The following MAGI1 variants were observed in gnomAD, a reference collection of about 807,000 sequenced individuals.
MAGI1 encodes the protein membrane associated guanylate kinase, WW and PDZ domain containing 1, also known as membrane-associated guanylate kinase, WW and PDZ domain-containing protein 1.
MAGI1 carries 58 observed loss-of-function variants against 139.9 expected under a neutral mutation model. That is an observed-to-expected ratio of 0.41 (90% CI 0.34 to 0.52). MAGI1 has a LOEUF of 0.52. Among genes scored for constraint, MAGI1 ranks in the 20% least tolerant of loss-of-function variants. MAGI1 has a pLI of 0.12. For missense variants in MAGI1, 1,874 were observed against 1,901.6 expected, an observed-to-expected ratio of 0.99 and a Z score of 0.27; for synonymous variants, 812 against 737.9, an observed-to-expected ratio of 1.10 and a Z score of -1.63.
At chr3:65,359,573 T>G (rs185337267) in intron 22 of MAGI1, 1 of 978,070 alleles carries the variant, frequency 1.0e-6, no homozygotes, top group Admixed American at 6.6e-5. Context: ...ATTACAAAAA[T>G]AGCCTCACAG....
At chr3:65,532,797 C>A (rs907070793) in intron 2 of MAGI1, 4 of 152,176 alleles carry the variant, frequency 2.6e-5, no homozygotes, top group African/African-American at 9.7e-5. Context: ...CTGTAAGCTG[C>A]TTTAATTTAT....
chr3:65,525,706 A>C (rs973779142), intron 2 of MAGI1, among the ~76,000 whole-genome samples: 4 of 152,238 alleles, frequency 2.6e-5, no homozygotes, highest in African/African-American at 9.6e-5. Flanking sequence ...AAAAAACAAA[A>C]GAACAAAACA....
chr3:65,756,196 CT>C (rs61555164), intron 1 of MAGI1, among the ~76,000 whole-genome samples: 8,836 of 152,208 alleles, frequency 0.058, 431 homozygotes, highest in African/African-American at 0.12. Flanking sequence ...TAGTTTTCCA[CT>C]TAGTGGATCC....
At chr3:65,661,751 T>TG (rs2086206292) in intron 1 of MAGI1, among the ~76,000 whole-genome samples, 1 of 136,058 alleles carries the variant, frequency 7.3e-6, no homozygotes, top group South Asian at 2.5e-4. Flanking sequence ...TTCTGTTTTT[T>TG]TTTTTTTTTT....
intron 8 of MAGI1, among the ~76,000 whole-genome samples, chr3:65,441,558 C>T (rs1948329047): frequency 6.6e-6 from 1 of 152,150 alleles, no homozygotes. Context: ...AGTGTCTTCA[C>T]CCATAAAAGC....
At chr3:65,673,101 GC>G (rs1356718248) in intron 1 of MAGI1, among the ~76,000 whole-genome samples, 2 of 152,140 alleles carry the variant, frequency 1.3e-5, no homozygotes, top group Non-Finnish European at 2.9e-5. Flanking sequence ...TTGCACTTGT[GC>G]CTGGGCTTGC....
intron 2 of MAGI1, among the ~76,000 whole-genome samples, chr3:65,587,028 G>A (rs1394543578): frequency 5.9e-5 from 9 of 152,158 alleles, no homozygotes; most frequent in African/African-American, 4.8e-5. Flanking sequence ...GAATTACCCC[G>A]AGATCCCTAA....
intron 1 of MAGI1, among the ~76,000 whole-genome samples, chr3:66,025,718 G>C (rs938962164): frequency 2.6e-5 from 4 of 152,166 alleles, no homozygotes; most frequent in African/African-American, 9.7e-5. Flanking sequence ...GTCTGTGTGT[G>C]TGTATGTGTA....
At chr3:65,905,185 A>G (rs544658676) in intron 1 of MAGI1, among the ~76,000 whole-genome samples, 144 of 152,322 alleles carry the variant, frequency 9.5e-4, no homozygotes, top group African/African-American at 3.3e-3. Context: ...AGGGTTGAGA[A>G]CTACTGTTTT....
At chr3:66,032,319 C>A (rs2068651014) in intron 1 of MAGI1, among the ~76,000 whole-genome samples, 1 of 151,762 alleles carries the variant, frequency 6.6e-6, no homozygotes, top group African/African-American at 2.4e-5. Flanking sequence ...TCAAGCAATT[C>A]TCTGCCTCAG....
chr3:65,591,572 T>C (rs776140405), intron 2 of MAGI1, among the ~76,000 whole-genome samples: 32 of 152,178 alleles, frequency 2.1e-4, no homozygotes, highest in Non-Finnish European at 3.1e-4. Flanking sequence ...TGAATGTTCA[T>C]TGGGAGCATG....
At chr3:65,358,109 T>A (rs1940393280) in intron 22 of MAGI1, among the ~76,000 whole-genome samples, 2 of 152,104 alleles carry the variant, frequency 1.3e-5, no homozygotes, top group African/African-American at 4.8e-5. Context: ...TCCTATAACA[T>A]CAAGGTTTCT....
chr3:65,518,393 C>T (rs965319892), intron 2 of MAGI1, among the ~76,000 whole-genome samples: 3 of 152,248 alleles, frequency 2.0e-5, no homozygotes, highest in African/African-American at 7.2e-5. Context: ...CAGTGACTAG[C>T]GCAGGCTAGG....
chr3:65,884,391 C>A (rs1297072275), intron 1 of MAGI1, among the ~76,000 whole-genome samples: 3 of 152,128 alleles, frequency 2.0e-5, no homozygotes, highest in African/African-American at 7.2e-5. Flanking sequence ...GAGAACTTGA[C>A]CAAGCTCCCA....
At chr3:65,884,630 T>C (rs193139050) in intron 1 of MAGI1, among the ~76,000 whole-genome samples, 17 of 152,240 alleles carry the variant, frequency 1.1e-4, no homozygotes, top group Admixed American at 1.0e-3. Flanking sequence ...GGGGTACATG[T>C]GCAGGTTAGT....
At chr3:65,550,913 T>G (rs944977118) in intron 2 of MAGI1, among the ~76,000 whole-genome samples, 11 of 152,164 alleles carry the variant, frequency 7.2e-5, no homozygotes, top group Non-Finnish European at 5.9e-5. Flanking sequence ...TGAGGCTGCA[T>G]GAGCTGTGAC....
At chr3:65,418,493 C>T (rs1946395707) in intron 12 of MAGI1, among the ~76,000 whole-genome samples, 1 of 152,156 alleles carries the variant, frequency 6.6e-6, no homozygotes, top group Non-Finnish European at 1.5e-5. Flanking sequence ...GTTCCATCTT[C>T]TGCACAGTTT....
intron 1 of MAGI1, among the ~76,000 whole-genome samples, chr3:65,675,159 A>T (rs183613773): frequency 6.6e-5 from 10 of 152,320 alleles, no homozygotes; most frequent in Non-Finnish European, 1.3e-4. Context: ...GGGCACTGAG[A>T]TTCATGAGGC....
intron 2 of MAGI1, among the ~76,000 whole-genome samples, chr3:65,590,845 T>C (rs11921245): frequency 0.25 from 38,465 of 152,046 alleles, 5,404 homozygotes; most frequent in African/African-American, 0.38. Context: ...AAAAAGTCCA[T>C]GTTTTTTCAC....
Sources: allele counts gnomAD v4.1 joint callset (sites outside exome capture counted in the v4.1 genomes callset), GRCh38; gene constraint gnomAD v4.1.1; transcripts MANE v1.5; gene names NCBI Gene and HGNC (gene_info 2026-07-23, HGNC 2026-07-21).